Variants in MLXIPL observed in about 807,000 individuals in gnomAD.
MLXIPL encodes the protein carbohydrate-responsive element-binding protein.
Under a neutral mutation model 81.5 loss-of-function variants are expected in MLXIPL, and 49 were observed. The observed-to-expected ratio is 0.60, with a 90% CI of 0.48 to 0.76. The LOEUF (loss-of-function observed/expected upper bound fraction) is 0.76. Ranked by LOEUF, MLXIPL falls within the 30% of genes least tolerant of loss-of-function variation. MLXIPL has a pLI of 0.00. For synonymous variants in MLXIPL, 466 were observed against 485.5 expected, an observed-to-expected ratio of 0.96 and a Z score of 0.53; for missense variants, 1,053 against 1,167.0, an observed-to-expected ratio of 0.90 and a Z score of 1.42.
chr7:73,599,769 G>GCC, intron 7 of MLXIPL, 74 bp from the exon 8 acceptor site: 2 of 1,441,278 alleles, frequency 1.4e-6, no homozygotes, highest in Non-Finnish European at 1.9e-6. Context: ...GAGGAGAGTG[G>GCC]CCTGTCCCCA....
intron 8 of MLXIPL, among the ~76,000 whole-genome samples, chr7:73,599,016 C>A (rs535949442): frequency 6.6e-6 from 1 of 150,630 alleles, no homozygotes; most frequent in South Asian, 2.1e-4. Context: ...TACAGTGAGC[C>A]GAGATCATGC....
At position 73,597,342 on chromosome 7, in the gene MLXIPL, C is replaced by T; in HGVS notation, c.1443G>A (p.Glu481=). 1 of 1,530,300 alleles carries T rather than the reference C, an allele frequency of 6.5e-7. No homozygotes were observed. The highest frequency in any genetic ancestry group is 8.8e-7 in the Non-Finnish European group (1 of 1,137,690). The allele number at this position is 1,530,300 out of a possible 1,614,324, so 94.8% of individuals were successfully genotyped here. ...TGGAGAAGCAAGGCCCAAAGGCAGG[C>T]TCCGAATACCCCAAGGGTAGAAGCT... The part of the protein sequence containing the change: ...PIELLPLGYS[E]PAFGPCFSMP... Residue 481 remains glutamate (E), a synonymous_variant, in exon 9 of 17, where the codon GAG becomes GAA. Transcript: ENST00000313375.
At chr7:73,622,154 T>C (rs928484485) in intron 1 of MLXIPL, among the ~76,000 whole-genome samples, 2 of 151,132 alleles carry the variant, frequency 1.3e-5, no homozygotes, top group African/African-American at 2.4e-5. Context: ...GACTCCCCAG[T>C]AGCTGGTACT....
chr7:73,594,434 C>T, intron 15 of MLXIPL, 31 bp from the exon 16 acceptor site: 1 of 1,599,204 alleles, frequency 6.3e-7, no homozygotes, highest in Non-Finnish European at 8.5e-7. Context: ...TGCCTGTGGT[C>T]CAGCTGGTCC....
chr7:73,628,581 A>C (rs1554604110), upstream of MLXIPL, among the ~76,000 whole-genome samples: 1 of 151,720 alleles, frequency 6.6e-6, no homozygotes, highest in East Asian at 2.0e-4. Flanking sequence ...CTGCAGCCTC[A>C]AACTCCTGGG....
chr7:73,629,851 G>A, the MLXIPL span, among the ~76,000 whole-genome samples: 19 of 152,132 alleles, frequency 1.2e-4, no homozygotes, highest in African/African-American at 4.6e-4. Flanking sequence ...ACTCTGAGAG[G>A]TGAAATGATC....
chr7:73,638,468 G>C, the MLXIPL span, among the ~76,000 whole-genome samples: 1 of 152,126 alleles, frequency 6.6e-6, no homozygotes, highest in African/African-American at 2.4e-5. Flanking sequence ...TTTTAGTGGA[G>C]ACAAGGTTTC....
At chr7:73,607,261 TCCGAGGCGGGCGGTAGCCGGCAG>T in intron 4 of MLXIPL, 47 bp downstream of exon 4, 1 of 1,473,370 alleles carries the variant, frequency 6.8e-7, no homozygotes, top group South Asian at 1.2e-5. Flanking sequence ...CCAGGGATCT[TCCGAGGCGGGCGGTAGCCGGCAG>T]CCGCAGGAGG....
rs1417863163 is a variant in MLXIPL, at chr7:73,623,765, G to A, written c.293+435C>T. On this transcript the variant is annotated intron_variant, in intron 1 of 16. Coordinates refer to ENST00000313375, the MANE Select transcript of MLXIPL (RefSeq NM_032951.3). The surrounding 1 kb of genome is among the most constrained non-coding windows in gnomAD (Gnocchi z 5.7). ...AATAGGGCGGGCTTGGGCCGGGGCT[G>A]CTGGGGAGAAGGCCGAGGCCTGCAG... is the stretch of plus-strand genomic sequence containing the variant. 4.6e-5 allele frequency among the ~76,000 whole-genome samples: 7 copies of A among 152,156 alleles called. No individual in the cohort carries two copies. The highest frequency in any genetic ancestry group is 1.7e-4 in the African/African-American group (7 of 41,436).
chr7:73,640,998 AG>A, the MLXIPL span, among the ~76,000 whole-genome samples: 1 of 151,870 alleles, frequency 6.6e-6, no homozygotes, highest in Admixed American at 6.6e-5. Flanking sequence ...TCTCATTCTG[AG>A]GGGCCTAAAG....
the MLXIPL span, among the ~76,000 whole-genome samples, chr7:73,632,799 CGACGGAG>C: frequency 7.1e-6 from 1 of 140,780 alleles, no homozygotes; most frequent in African/African-American, 2.7e-5. Flanking sequence ...TCCTTCCTTC[CGACGGAG>C]TCTTGCTCTG....
the MLXIPL span, among the ~76,000 whole-genome samples, chr7:73,632,131 C>T: frequency 4.1e-3 from 617 of 151,076 alleles, 2 homozygotes; most frequent in African/African-American, 0.013. Flanking sequence ...TAGCTGGGAC[C>T]ACCACACTCA....
chr7:73,644,639 T>C, the MLXIPL span, among the ~76,000 whole-genome samples: 1 of 152,164 alleles, frequency 6.6e-6, no homozygotes, highest in Admixed American at 6.6e-5. Context: ...CTGTCCCTCT[T>C]TTCCTCCCCC....
At position 73,597,440 on chromosome 7, in the gene MLXIPL, G is replaced by A. The variant is rs1445250275; in HGVS notation, c.1345C>T (p.Leu449=). 7 of 1,435,412 alleles carry A rather than the reference G, an allele frequency of 4.9e-6. No homozygotes were observed. The highest frequency in any genetic ancestry group is 1.4e-5 in the African/African-American group (1 of 69,420). 88.9% of individuals were successfully genotyped at this position (1,435,412 alleles called of 1,614,324 possible). ...TVPPAPGVSP[L]PAPAAFPPTP... is the part of the protein sequence containing the mutation. ...GGTGGGAAGGCTGCAGGAGCAGGCA[G>A]CGGAGACACTCCTGGGGCAGGAGGG... The change falls in exon 9 of 17, where the codon CTG becomes TTG. Residue 449 remains leucine, a synonymous_variant. Transcript: ENST00000313375.
chr7:73,599,525 C>A lies in MLXIPL; in HGVS notation c.1071+1G>T. ...GGCTGGACGGGGTGGGGTGAGCTCACCTGCAGACGGCTGTGTCCAGAGAGG... is the reference window on the plus strand; with the variant it reads ...GGCTGGACGGGGTGGGGTGAGCTCAACTGCAGACGGCTGTGTCCAGAGAGG... On this transcript the variant is annotated splice_donor_variant, in intron 8 of 16. Coordinates refer to ENST00000313375, the MANE Select transcript of MLXIPL (RefSeq NM_032951.3). LOFTEE classifies it high-confidence loss of function. 6.2e-7 allele frequency: 1 copy of A among 1,612,434 alleles called. No individual in the cohort carries two copies. Among genetic ancestry groups the A allele is most frequent in the Non-Finnish European group, 8.5e-7 (1 of 1,179,676 alleles).
the MLXIPL span, among the ~76,000 whole-genome samples, chr7:73,637,059 C>CAAAAA: frequency 7.8e-4 from 93 of 119,628 alleles, 1 homozygote; most frequent in Middle Eastern, 4.5e-3. Context: ...GATTCCATCT[C>CAAAAA]AAAAAAAAAA....
In MLXIPL at chr7:73,595,918, G is replaced by A. The variant is rs1554593562; in HGVS notation, c.2110C>T (p.Gln704Ter). 1.2e-6 allele frequency: 2 copies of A among 1,613,214 alleles called. No individual in the cohort carries two copies. The highest frequency in any genetic ancestry group is 1.7e-6 in the Non-Finnish European group (2 of 1,179,998). Reference sequence around the variant, plus strand: ...TCCTGCAAGCCCGCACGCTCCTGCTGTAGCATAAGGATGTACTCAGCTGTC... The same window carrying A: ...TCCTGCAAGCCCGCACGCTCCTGCTATAGCATAAGGATGTACTCAGCTGTC... ...QKTAEYILMLQQERAGLQEEA... is the reference protein window; with the variant it reads ...QKTAEYILML The change falls in exon 14 of 17, where the codon CAG becomes TAG. Residue 704 changes from glutamine (Q) to a stop codon, truncating the protein, a stop_gained. Coordinates refer to ENST00000313375, the MANE Select transcript of MLXIPL (RefSeq NM_032951.3). LOFTEE classifies it high-confidence loss of function.
the MLXIPL span, among the ~76,000 whole-genome samples, chr7:73,639,938 G>A: frequency 2.6e-5 from 4 of 151,124 alleles, no homozygotes; most frequent in South Asian, 2.1e-4. Context: ...GGTGGTGGGC[G>A]CCTGTAGTCC....
In MLXIPL at chr7:73,605,760, C is replaced by T. The variant is rs140121265; in HGVS notation, c.829G>A (p.Gly277Ser). ...LQLPPEDAYV[G>S]NADMIQPDLT... ...TCCGGCTGGATCATGTCAGCATTGC[C>T]GACGTAGGCTGGAGGCAGCAGTGGC... Residue 277 changes from glycine to serine, a missense_variant, in exon 7 of 17, where the codon GGC becomes AGC. Transcript: ENST00000313375. 16 of 1,613,012 alleles carry T rather than the reference C, an allele frequency of 9.9e-6. No homozygotes were observed. Among genetic ancestry groups the T allele is most frequent in the African/African-American group, 8.0e-5 (6 of 74,868 alleles).
Sources: gnomAD v4.1 joint callset for allele counts (sites outside exome capture counted in the v4.1 genomes callset) on GRCh38, gnomAD v4.1.1 for gene constraint, Gnocchi (gnomAD v3.1) non-coding constraint, MANE v1.5 for transcripts, NCBI Gene and HGNC (gene_info 2026-07-23, HGNC 2026-07-21) for gene names.